Variants in COPS3 observed in about 807,000 individuals in gnomAD.
The protein encoded by COPS3 is COP9 signalosome subunit 3, also known as COP9 signalosome complex subunit 3.
COPS3 carries 10 observed loss-of-function variants against 58.2 expected under a neutral mutation model. The ratio of observed to expected loss-of-function variants is 0.17; its 90% CI spans 0.11 to 0.29. The LOEUF (loss-of-function observed/expected upper bound fraction) is 0.29. Among genes scored for constraint, COPS3 ranks in the 10% least tolerant of loss-of-function variants. COPS3 has a pLI of 1.00. For missense variants in COPS3, 333 were observed against 510.1 expected (o/e 0.65, Z 3.34); for synonymous variants, 187 against 181.7 (o/e 1.03, Z -0.24).
At chr17:17,257,167 C>T (rs111348367) in intron 8 of COPS3, among the ~76,000 whole-genome samples, 4 of 151,986 alleles carry the variant, frequency 2.6e-5, no homozygotes, top group African/African-American at 9.6e-5. Flanking sequence ...AGTTTGAGAC[C>T]AGCCTGGCCA....
Position 17,254,937 on chromosome 17 carries a change from TA to T in COPS3, c.944del (p.Leu315Ter). 1 of 1,611,494 alleles carries T rather than the reference TA, an allele frequency of 6.2e-7. No homozygotes were observed. Among genetic ancestry groups the T allele is most frequent in the Admixed American group, 1.7e-5 (1 of 59,798 alleles). ...KNIQRLTKTF[L>X]TLSLQDMASR... ...TTGCCATATCTTGTAATGATAGAGT[TA>T]AAAAGGTCTGAAAGTCAGAAGCAGA... On this transcript the variant is annotated frameshift_variant, in exon 9 of 12. Coordinates refer to ENST00000268717, the MANE Select transcript of COPS3 (RefSeq NM_003653.4). LOFTEE classifies it high-confidence loss of function.
At chr17:17,247,667 T>C (rs1270317584) in intron 10 of COPS3, 107 bp from the exon 11 acceptor site, 2 of 1,100,234 alleles carry the variant, frequency 1.8e-6, no homozygotes, top group South Asian at 1.4e-5. Flanking sequence ...AATCTCTTGA[T>C]GTGAAACCCC....
chr17:17,264,178 C>T (rs8070995), intron 6 of COPS3, among the ~76,000 whole-genome samples: 21,895 of 152,214 alleles, frequency 0.14, 1,637 homozygotes, highest in South Asian at 0.22. Flanking sequence ...TTTTAAATAT[C>T]CTTTATTACT....
At chr17:17,249,135 A>C in intron 9 of COPS3, 96 bp from the exon 10 acceptor site, 1 of 669,606 alleles carries the variant, frequency 1.5e-6, no homozygotes, top group East Asian at 2.6e-5. Context: ...CATGGAAGGC[A>C]ACATGGATAT....
chr17:17,249,943 A>G (rs768010029), intron 9 of COPS3, among the ~76,000 whole-genome samples: 2 of 152,028 alleles, frequency 1.3e-5, no homozygotes, highest in Non-Finnish European at 2.9e-5. Flanking sequence ...TTTTAAAGTG[A>G]GCAATTAATT....
At chr17:17,258,139 C>A (rs547335273) in intron 8 of COPS3, among the ~76,000 whole-genome samples, 5 of 152,280 alleles carry the variant, frequency 3.3e-5, no homozygotes, top group African/African-American at 1.2e-4. Flanking sequence ...CTTATGGTAG[C>A]CCTCCCCAGG....
At chr17:17,281,019 G>A (rs933952778) in intron 1 of COPS3, 113 bp downstream of exon 1, 7 of 1,245,882 alleles carry the variant, frequency 5.6e-6, no homozygotes, top group South Asian at 1.3e-5. Flanking sequence ...GCCCGGCCCC[G>A]GAGAAGAGTC....
At chr17:17,278,379 T>C (rs923445930) in intron 1 of COPS3, among the ~76,000 whole-genome samples, 9 of 152,210 alleles carry the variant, frequency 5.9e-5, no homozygotes, top group African/African-American at 2.2e-4. Flanking sequence ...ATGCTTAAAA[T>C]ACAAGTGACT....
Position 17,274,741 on chromosome 17 carries a change from C to T in COPS3, c.185+1294G>A, listed in dbSNP as rs117077735. Among the ~76,000 whole-genome samples, 32 of 150,692 alleles carry T rather than the reference C, an allele frequency of 2.1e-4. No homozygotes were observed. In the East Asian group the frequency reaches 6.0e-3, roughly 28 times the overall value. Reference sequence around the variant, plus strand: ...TCTGGCCTAATTTTTCTTGAAATTACATTTCAATCGTGCTTTTTTTTTTTT... The same window carrying T: ...TCTGGCCTAATTTTTCTTGAAATTATATTTCAATCGTGCTTTTTTTTTTTT... On this transcript the variant is annotated intron_variant, in intron 2 of 11. Coordinates refer to ENST00000268717, the MANE Select transcript of COPS3 (RefSeq NM_003653.4).
intron 5 of COPS3, among the ~76,000 whole-genome samples, chr17:17,267,279 A>T (rs1278575218): frequency 6.8e-6 from 1 of 147,190 alleles, no homozygotes; most frequent in Non-Finnish European, 1.5e-5. Flanking sequence ...CGGAGCTTGC[A>T]GTGAGCTGAG....
intron 4 of COPS3, among the ~76,000 whole-genome samples, chr17:17,269,065 C>T (rs2048290210): frequency 6.6e-6 from 1 of 152,076 alleles, no homozygotes. Context: ...TGGCTCACAC[C>T]TGTAATCTCA....
At chr17:17,256,827 C>T (rs900771118) in intron 8 of COPS3, among the ~76,000 whole-genome samples, 3 of 152,202 alleles carry the variant, frequency 2.0e-5, no homozygotes, top group East Asian at 1.9e-4. Flanking sequence ...CTGGTTTCAA[C>T]GTATCTTCCT....
At chr17:17,279,887 T>C (rs2048537855) in intron 1 of COPS3, among the ~76,000 whole-genome samples, 1 of 152,148 alleles carries the variant, frequency 6.6e-6, no homozygotes, top group African/African-American at 2.4e-5. Context: ...GAATTTCAGG[T>C]CCAGAATTCG....
At chr17:17,271,844 A>ATATC (rs1555620665) in intron 2 of COPS3, among the ~76,000 whole-genome samples, 2 of 142,090 alleles carry the variant, frequency 1.4e-5, no homozygotes. Flanking sequence ...ATATATCTAT[A>ATATC]TATATATATA....
intron 2 of COPS3, among the ~76,000 whole-genome samples, chr17:17,275,810 C>T (rs1028391522): frequency 2.0e-5 from 3 of 152,146 alleles, no homozygotes; most frequent in African/African-American, 7.2e-5. Flanking sequence ...GGGCGGGTGG[C>T]GAGTGCCTGT....
chr17:17,270,170 A>T (rs2048315237), intron 4 of COPS3, among the ~76,000 whole-genome samples: 1 of 152,152 alleles, frequency 6.6e-6, no homozygotes, highest in South Asian at 2.1e-4. Context: ...AAAAAAAAAC[A>T]GTAAGAGTTC....
chr17:17,256,040 G>C (rs1206592783), intron 8 of COPS3, among the ~76,000 whole-genome samples: 1 of 150,256 alleles, frequency 6.7e-6, no homozygotes, highest in Non-Finnish European at 1.5e-5. Context: ...TTAGCCGGGC[G>C]TGGTGGTGGG....
chr17:17,275,903 C>T (rs1045218289), intron 2 of COPS3, 132 bp downstream of exon 2: 16 of 804,330 alleles, frequency 2.0e-5, no homozygotes, highest in Admixed American at 1.2e-4. Context: ...GAATGTGCCA[C>T]TGCACTCCAG....
chr17:17,269,980 A>G (rs571059661), intron 4 of COPS3, among the ~76,000 whole-genome samples: 11 of 152,062 alleles, frequency 7.2e-5, no homozygotes, highest in African/African-American at 2.7e-4. Context: ...ACATGGTGAA[A>G]CCCCGTCTCT....
Sources: allele counts gnomAD v4.1 joint callset (sites outside exome capture counted in the v4.1 genomes callset), GRCh38; gene constraint gnomAD v4.1.1; transcripts MANE v1.5; gene names NCBI Gene and HGNC (gene_info 2026-07-23, HGNC 2026-07-21).